Variants in CADPS observed in about 807,000 individuals in gnomAD.
CADPS encodes calcium-dependent secretion activator 1.
In CADPS, 57 loss-of-function variants were observed where a neutral mutation model predicts 167.3. The observed-to-expected ratio is 0.34, with a 90% CI of 0.28 to 0.42. CADPS has a LOEUF of 0.42. CADPS is among the 20% of genes least tolerant of loss of function. The pLI, the probability that CADPS is intolerant of heterozygous loss-of-function variation, is 1.00. For synonymous variants in CADPS, 676 were observed against 635.3 expected, an observed-to-expected ratio of 1.06 and a Z score of -0.96; for missense variants, 1,414 against 1,738.1, an observed-to-expected ratio of 0.81 and a Z score of 3.32.
chr3:62,552,799 T>G (rs1321541720), intron 10 of CADPS, among the ~76,000 whole-genome samples: 1 of 152,186 alleles, frequency 6.6e-6, no homozygotes, highest in Non-Finnish European at 1.5e-5. Context: ...TCTGATAATA[T>G]CACACCAATA....
At chr3:62,489,048 C>T (rs908704190) in intron 21 of CADPS, among the ~76,000 whole-genome samples, 15 of 152,242 alleles carry the variant, frequency 9.9e-5, no homozygotes, top group Non-Finnish European at 1.5e-4. Flanking sequence ...CCCAAGAAAA[C>T]ATCCCTAGAC....
chr3:62,671,956 A>G (rs776650223), intron 3 of CADPS, among the ~76,000 whole-genome samples: 18 of 151,746 alleles, frequency 1.2e-4, no homozygotes, highest in Non-Finnish European at 2.4e-4. Flanking sequence ...AATTTTTTTT[A>G]TTTTTAGTAG....
intron 3 of CADPS, among the ~76,000 whole-genome samples, chr3:62,715,321 G>A (rs1277702132): frequency 1.3e-5 from 2 of 151,488 alleles, no homozygotes; most frequent in Admixed American, 6.6e-5. Context: ...TTATATTTCC[G>A]GTAGAGATGA....
Position 62,846,215 on chromosome 3 carries a change from T to C in CADPS, c.441+28374A>G, listed in dbSNP as rs149906670. On this transcript the variant is annotated intron_variant, in intron 1 of 29. Transcript: ENST00000383710. ...GAGTCACTTCAGCCTCTTTTAAAAA[T>C]AAATTACCCAGTCTCAGGTAGTTAT... 3.5e-4 allele frequency among the ~76,000 whole-genome samples: 54 copies of C among 152,266 alleles called. 1 individual carries two copies. The East Asian group carries it at 9.1e-3, about 26-fold the overall frequency.
At chr3:62,453,563 TAAATTTTAA>T (rs2058334479) in intron 26 of CADPS, among the ~76,000 whole-genome samples, 1 of 152,160 alleles carries the variant, frequency 6.6e-6, no homozygotes. Context: ...GGAAGATGAA[TAAATTTTAA>T]GTGCCAACTG....
At chr3:62,608,096 T>A (rs1394983111) in intron 6 of CADPS, among the ~76,000 whole-genome samples, 1 of 151,950 alleles carries the variant, frequency 6.6e-6, no homozygotes, top group Non-Finnish European at 1.5e-5. Context: ...CACAGCAGAG[T>A]GAAAATACTA....
chr3:62,819,130 C>T (rs1207199152), intron 1 of CADPS, among the ~76,000 whole-genome samples: 1 of 151,924 alleles, frequency 6.6e-6, no homozygotes, highest in Non-Finnish European at 1.5e-5. Flanking sequence ...GTGTATTTGT[C>T]AAAACTCAGT....
intron 13 of CADPS, among the ~76,000 whole-genome samples, chr3:62,531,772 G>T (rs774188415): frequency 2.6e-5 from 4 of 152,162 alleles, no homozygotes; most frequent in Non-Finnish European, 5.9e-5. Flanking sequence ...CTAATGCAAG[G>T]CTACATACAT....
At chr3:62,539,367 A>G (rs2075308048) in intron 11 of CADPS, among the ~76,000 whole-genome samples, 1 of 152,068 alleles carries the variant, frequency 6.6e-6, no homozygotes, top group African/African-American at 2.4e-5. Flanking sequence ...AAAGCGAGCC[A>G]CCTCTGGATT....
chr3:62,645,766 T>G lies in CADPS; in HGVS notation c.1281A>C (p.Gly427=), dbSNP rs2068415150. 4 of 1,614,110 alleles carry G rather than the reference T, an allele frequency of 2.5e-6. No homozygotes were observed. Among genetic ancestry groups the G allele is most frequent in the Non-Finnish European group, 3.4e-6 (4 of 1,179,964 alleles). Residue 427 remains glycine, a synonymous_variant, in exon 6 of 30, where the codon GGA becomes GGC. Coordinates refer to ENST00000383710, the MANE Select transcript of CADPS (RefSeq NM_003716.4). ...CCTGATCAGTCTGTAGTTTCTCTCCTCCTTCCACCTCCATTGTGCAATATA... is the reference window on the plus strand; with the variant it reads ...CCTGATCAGTCTGTAGTTTCTCTCCGCCTTCCACCTCCATTGTGCAATATA... ...RIVYCTMEVE[G]GEKLQTDQAE...
At chr3:62,410,063 C>T (rs559988069) in intron 28 of CADPS, among the ~76,000 whole-genome samples, 3 of 152,248 alleles carry the variant, frequency 2.0e-5, no homozygotes, top group African/African-American at 7.2e-5. Flanking sequence ...TACACACACA[C>T]ATACTCCCAA....
At chr3:62,795,689 C>A (rs2093357260) in intron 1 of CADPS, among the ~76,000 whole-genome samples, 2 of 152,178 alleles carry the variant, frequency 1.3e-5, no homozygotes, top group African/African-American at 4.8e-5. Flanking sequence ...CATTCTGGCC[C>A]TTGAAGAACT....
intron 17 of CADPS, among the ~76,000 whole-genome samples, chr3:62,511,631 C>A (rs1318365714): frequency 6.6e-6 from 1 of 152,072 alleles, no homozygotes; most frequent in African/African-American, 2.4e-5. Context: ...ATCCTAGCTC[C>A]CCTTTGCTTA....
chr3:62,714,063 G>T (rs1261232804), intron 3 of CADPS, among the ~76,000 whole-genome samples: 3 of 151,986 alleles, frequency 2.0e-5, no homozygotes, highest in Non-Finnish European at 4.4e-5. Flanking sequence ...GGCCATTGAG[G>T]CTCATCCAAC....
At chr3:62,836,022 A>G (rs892539963) in intron 1 of CADPS, among the ~76,000 whole-genome samples, 86 of 152,320 alleles carry the variant, frequency 5.6e-4, no homozygotes, top group African/African-American at 1.9e-3. Flanking sequence ...TGTATTGATC[A>G]AATGACTGAA....
chr3:62,630,954 A>G (rs992797263), intron 6 of CADPS, among the ~76,000 whole-genome samples: 25 of 152,150 alleles, frequency 1.6e-4, no homozygotes, highest in African/African-American at 6.0e-4. Flanking sequence ...TAGGTTTCTC[A>G]TCTTATTTCC....
At chr3:62,658,755 A>G (rs2072386404) in intron 4 of CADPS, among the ~76,000 whole-genome samples, 1 of 152,132 alleles carries the variant, frequency 6.6e-6, no homozygotes, top group Non-Finnish European at 1.5e-5. Flanking sequence ...CCCAGCATCC[A>G]TGTATTCAAC....
chr3:62,863,139 T>G (rs1185315794), intron 1 of CADPS, among the ~76,000 whole-genome samples: 1 of 152,196 alleles, frequency 6.6e-6, no homozygotes, highest in Non-Finnish European at 1.5e-5. Context: ...CTAAATGATC[T>G]CTGCAGTCAG....
At chr3:62,726,219 A>G (rs946168600) in intron 3 of CADPS, among the ~76,000 whole-genome samples, 1 of 151,830 alleles carries the variant, frequency 6.6e-6, no homozygotes, top group Non-Finnish European at 1.5e-5. Context: ...TATTGTTGGT[A>G]ACTCTGGCCT....
Sources: gnomAD v4.1 joint callset for allele counts (sites outside exome capture counted in the v4.1 genomes callset) on GRCh38, gnomAD v4.1.1 for gene constraint, MANE v1.5 for transcripts, NCBI Gene and HGNC (gene_info 2026-07-23, HGNC 2026-07-21) for gene names.